Variants in LYRM7 observed in about 807,000 individuals in gnomAD.
LYRM7 encodes LYR motif containing 7.
LYRM7 carries 9 observed loss-of-function variants against 15.8 expected under a neutral mutation model. The observed-to-expected ratio is 0.57, with a 90% CI of 0.34 to 0.99. LYRM7 has a LOEUF of 0.99. Among genes scored for constraint, LYRM7 ranks in the 50% least tolerant of loss-of-function variants. The pLI is 0.02. For missense variants in LYRM7, 115 were observed against 119.1 expected (o/e 0.97, Z 0.16); for synonymous variants, 39 against 39.4 (o/e 0.99, Z 0.04).
At chr5:131,178,876 C>A (rs945660987) in intron 1 of LYRM7, among the ~76,000 whole-genome samples, 1 of 146,564 alleles carries the variant, frequency 6.8e-6, no homozygotes, top group East Asian at 2.0e-4. Context: ...GCAGGAGAAT[C>A]GCTTGAACTC....
chr5:131,194,996 G>T (rs1755940240), intron 4 of LYRM7, among the ~76,000 whole-genome samples: 1 of 152,162 alleles, frequency 6.6e-6, no homozygotes, highest in Non-Finnish European at 1.5e-5. Context: ...GGGATCGCTG[G>T]CTCACACCTG....
At chr5:131,192,505 G>A (rs1222046850) in intron 4 of LYRM7, among the ~76,000 whole-genome samples, 3 of 152,062 alleles carry the variant, frequency 2.0e-5, no homozygotes, top group Admixed American at 2.0e-4. Flanking sequence ...ACATATACAT[G>A]CATTGAACTA....
At chr5:131,173,206 G>A (rs1293885274) in intron 1 of LYRM7, among the ~76,000 whole-genome samples, 1 of 152,102 alleles carries the variant, frequency 6.6e-6, no homozygotes, top group African/African-American at 2.4e-5. Flanking sequence ...GGCAATCCAG[G>A]CTTTTACTAT....
intron 3 of LYRM7, among the ~76,000 whole-genome samples, chr5:131,184,311 GC>G (rs1166073953): frequency 1.1e-4 from 16 of 152,082 alleles, no homozygotes; most frequent in African/African-American, 2.4e-4. Context: ...AGAAAATTCA[GC>G]CTTACACAGA....
Position 131,170,988 on chromosome 5 carries a change from G to T in LYRM7, c.-33G>T. ...TGCTGAGAGGCGGGGCTACTCGACT[G>T]CTCTGGAGGTAGCGGCCGCGGTGAG... On this transcript the variant is annotated 5_prime_UTR_variant, in exon 1 of 5. Transcript: ENST00000379380. 6.5e-7 allele frequency: 1 copy of T among 1,537,864 alleles called. No individual in the cohort carries two copies. Among genetic ancestry groups the T allele is most frequent in the Non-Finnish European group, 8.7e-7 (1 of 1,147,036 alleles).
At chr5:131,188,891 A>T (rs190079338) in intron 4 of LYRM7, among the ~76,000 whole-genome samples, 3 of 152,276 alleles carry the variant, frequency 2.0e-5, no homozygotes, top group Middle Eastern at 3.4e-3. Context: ...TCACACCTGT[A>T]ATCCCTGCAC....
intron 4 of LYRM7, among the ~76,000 whole-genome samples, chr5:131,194,265 T>C (rs1022677708): frequency 4.6e-5 from 7 of 152,204 alleles, no homozygotes; most frequent in Admixed American, 1.3e-4. Flanking sequence ...TTGGAGTGCA[T>C]TTGACCTAAT....
Position 131,190,402 on chromosome 5 carries a change from G to A in LYRM7, c.244+3293G>A, listed in dbSNP as rs1335419509. Among the ~76,000 whole-genome samples the A allele has an allele frequency of 3.3e-5, 5 of 151,650 alleles. No individual in the cohort carries two copies. The East Asian group carries it at 9.7e-4, about 29-fold the overall frequency. On this transcript the variant is annotated intron_variant, in intron 4 of 4. Transcript: ENST00000379380. ...GTAGAGACGGAGTTTCACCATGTTG[G>A]TCAGGCTGGTTTCAAACTCTTGATC...
chr5:131,178,984 A>T (rs993451986), intron 1 of LYRM7, among the ~76,000 whole-genome samples: 3 of 150,026 alleles, frequency 2.0e-5, no homozygotes, highest in African/African-American at 7.4e-5. Context: ...AAAAAAAAAA[A>T]GGGAATAGCA....
At chr5:131,184,649 G>GGA (rs1561545594) in intron 3 of LYRM7, among the ~76,000 whole-genome samples, 1 of 120,696 alleles carries the variant, frequency 8.3e-6, no homozygotes, top group Non-Finnish European at 1.6e-5. Flanking sequence ...GCGGGGGGGG[G>GGA]GTTCCAGGAT....
chr5:131,202,905 T>C lies in LYRM7; in HGVS notation c.*3304T>C, dbSNP rs1756098874. The C allele has an allele frequency of 6.6e-6, 1 of 152,344 alleles. No individual in the cohort carries two copies. The allele number at this position is 152,344 out of a possible 1,614,324, so 9.4% of individuals were successfully genotyped here. A position where few individuals can be genotyped will look rare whatever the true frequency, so the allele number is the denominator to read the frequency against. The stretch of plus-strand genomic sequence containing the variant: ...GAGAGTCAGATTTGAGAAGCATATG[T>C]AGATTCGAAGCTGGGGGAATATGGC... On this transcript the variant is annotated 3_prime_UTR_variant, in exon 5 of 5. Transcript: ENST00000379380.
intron 3 of LYRM7, 120 bp downstream of exon 3, chr5:131,182,419 A>G (rs893467037): frequency 1.1e-6 from 1 of 943,550 alleles, no homozygotes; most frequent in African/African-American, 1.8e-5. Context: ...GGCCATCACA[A>G]CTGTAGATAA....
intron 3 of LYRM7, among the ~76,000 whole-genome samples, chr5:131,184,741 T>A (rs1298653604): frequency 6.6e-6 from 1 of 151,930 alleles, no homozygotes; most frequent in Non-Finnish European, 1.5e-5. Context: ...CAGCCTTATA[T>A]CTAGGACTTG....
chr5:131,187,218 A>T (rs1755810029), intron 4 of LYRM7, 109 bp downstream of exon 4: 1 of 640,928 alleles, frequency 1.6e-6, no homozygotes, highest in South Asian at 2.0e-5. Context: ...TTTGCCAGAC[A>T]ATATGGTATA....
rs1446948718 is a variant in LYRM7 at position 131,205,091 on chromosome 5, A to G, written c.*5490A>G. On this transcript the variant is annotated 3_prime_UTR_variant, in exon 5 of 5. Transcript: ENST00000379380. Reference sequence around the variant, plus strand: ...CTAATTCCCACATTTGATAGTTGTTACATTTTGCCATGTTTGTTTAAAGGT... The same window carrying G: ...CTAATTCCCACATTTGATAGTTGTTGCATTTTGCCATGTTTGTTTAAAGGT... 1 of 152,320 alleles carries G rather than the reference A, an allele frequency of 6.6e-6. No homozygotes were observed. Among genetic ancestry groups the G allele is most frequent in the African/African-American group, 2.4e-5 (1 of 41,458 alleles). The allele number at this position is 152,320 out of a possible 1,614,324, so 9.4% of individuals were successfully genotyped here.
At chr5:131,181,377 A>ATG (rs1250461454) in intron 2 of LYRM7, among the ~76,000 whole-genome samples, 2 of 92,104 alleles carry the variant, frequency 2.2e-5, no homozygotes, top group Non-Finnish European at 3.8e-5. Context: ...ATATATGTAT[A>ATG]TATAATATAT....
chr5:131,176,921 T>C (rs1203420718), intron 1 of LYRM7, among the ~76,000 whole-genome samples: 1 of 152,178 alleles, frequency 6.6e-6, no homozygotes, highest in Non-Finnish European at 1.5e-5. Flanking sequence ...GATGTATATA[T>C]ACACCACATT....
chr5:131,180,450 C>T (rs940378716), intron 2 of LYRM7, among the ~76,000 whole-genome samples: 2 of 152,078 alleles, frequency 1.3e-5, no homozygotes, highest in African/African-American at 4.8e-5. Context: ...AGCCATTGAA[C>T]TTTCTGTTAC....
chr5:131,194,925 A>T (rs1476388993), intron 4 of LYRM7, among the ~76,000 whole-genome samples: 1 of 152,156 alleles, frequency 6.6e-6, no homozygotes, highest in East Asian at 1.9e-4. Context: ...ACAAAGACCA[A>T]CAGTTAAAGC....
Sources: gnomAD v4.1 joint callset for allele counts (sites outside exome capture counted in the v4.1 genomes callset) on GRCh38, gnomAD v4.1.1 for gene constraint, MANE v1.5 for transcripts, NCBI Gene and HGNC (gene_info 2026-07-23, HGNC 2026-07-21) for gene names.